Variants in SAG observed in about 807,000 individuals in gnomAD.
SAG encodes S-arrestin.
Under a neutral mutation model 55.0 loss-of-function variants are expected in SAG, and 45 were observed. The ratio of observed to expected loss-of-function variants is 0.82; its 90% CI spans 0.64 to 1.05. The LOEUF (loss-of-function observed/expected upper bound fraction) is 1.05, where lower values mean the gene tolerates loss of function less well. SAG is among the 50% of genes least tolerant of loss of function. The pLI is 0.00. For missense variants in SAG, 455 were observed against 512.1 expected (o/e 0.89, Z 1.08); for synonymous variants, 189 against 197.4 (o/e 0.96, Z 0.36).
chr2:233,325,455 G>A (rs1700522123), intron 6 of SAG, among the ~76,000 whole-genome samples: 1 of 66,974 alleles, frequency 1.5e-5, no homozygotes, highest in Non-Finnish European at 3.0e-5. Context: ...GAGAGTTGTT[G>A]CACGTTTGTG....
In SAG at chr2:233,328,501, G is replaced by T. The variant is rs201978529; in HGVS notation, c.536G>T (p.Arg179Leu). ...PKKSSVRLLI[R>L]KVQHAPLEMG... ...AGGAGCTCCGTGCGATTACTGATCC[G>T]CAAAGTACAGCATGCCCCACTTGAG... is the stretch of plus-strand genomic sequence containing the variant. Residue 179 changes from arginine to leucine, a missense_variant, in exon 8 of 16, where the codon CGC (arginine) becomes CTC (leucine). Arg to Leu is a moderately radical substitution (Grantham distance 102, BLOSUM62 -2). Coordinates refer to ENST00000409110, the MANE Select transcript of SAG (RefSeq NM_000541.5). 1 of 1,613,554 alleles carries T rather than the reference G, an allele frequency of 6.2e-7. No individual in the cohort carries two copies. The highest frequency in any genetic ancestry group is 8.5e-7 in the Non-Finnish European group (1 of 1,179,694).
At chr2:233,313,785 G>GCTTGAACTCCTGA (rs1441789908) in intron 2 of SAG, among the ~76,000 whole-genome samples, 4 of 144,518 alleles carry the variant, frequency 2.8e-5, no homozygotes, top group African/African-American at 1.0e-4. Context: ...TGTTGCCCTG[G>GCTTGAACTCCTGA]CTTGAACTCC....
intron 6 of SAG, among the ~76,000 whole-genome samples, chr2:233,323,282 C>T (rs1286477351): frequency 1.3e-5 from 2 of 152,158 alleles, no homozygotes; most frequent in African/African-American, 4.8e-5. Context: ...TGGTCTCAAA[C>T]TCCTGACCAC....
chr2:233,321,045 A>G (rs183922529), intron 5 of SAG, among the ~76,000 whole-genome samples: 77 of 152,302 alleles, frequency 5.1e-4, no homozygotes, highest in Non-Finnish European at 8.2e-4. Flanking sequence ...TACCGTTTAC[A>G]TATTTCCCTT....
At position 233,319,787 on chromosome 2, in the gene SAG, CCTT is replaced by C; in HGVS notation, c.182-839_182-837del. On this transcript the variant is annotated intron_variant, in intron 4 of 15. Transcript: ENST00000409110. This position sits in a 1 kb window ranked among gnomAD's most constrained non-coding sequence, Gnocchi z 4.4. ...TGTCAAACCACGTGGTCTCTGGGCA[CCTT>C]CTTAGTCCTGAGCTTGAATGAGGGG... 2 of 985,550 alleles carry C rather than the reference CCTT, an allele frequency of 2.0e-6. No individual in the cohort carries two copies. The highest frequency in any genetic ancestry group is 2.4e-6 in the Non-Finnish European group (2 of 829,906). 61.1% of individuals were successfully genotyped at this position (985,550 alleles called of 1,614,324 possible).
At chr2:233,335,211 C>A in intron 11 of SAG, 112 bp downstream of exon 11, 1 of 1,373,834 alleles carries the variant, frequency 7.3e-7, no homozygotes, top group South Asian at 1.4e-5. Context: ...GCATGGTGGT[C>A]TGGCGTGTGT....
chr2:233,316,945 T>A (rs1700229437), intron 3 of SAG, among the ~76,000 whole-genome samples: 1 of 152,134 alleles, frequency 6.6e-6, no homozygotes. Context: ...CACTGCAACC[T>A]CCACCTCCTG....
In SAG at chr2:233,327,888, AG is replaced by A. The variant is rs560725940; in HGVS notation, c.513-589del. On this transcript the variant is annotated intron_variant, in intron 7 of 15. Coordinates refer to ENST00000409110, the MANE Select transcript of SAG (RefSeq NM_000541.5). Reference sequence around the variant, plus strand: ...TTTAAATGTACCATTCAGTGGCTTAAGTACATTCCGAATGTTGTGTAGCCTT... The same window carrying A: ...TTTAAATGTACCATTCAGTGGCTTAATACATTCCGAATGTTGTGTAGCCTT... 2.6e-5 allele frequency: 4 copies of A among 152,792 alleles called. No individual in the cohort carries two copies. In the East Asian group the frequency reaches 7.7e-4, roughly 29 times the overall value. The allele number at this position is 152,792 out of a possible 1,614,324, so 9.5% of individuals were successfully genotyped here.
intron 6 of SAG, among the ~76,000 whole-genome samples, chr2:233,325,392 G>C (rs1255565234): frequency 1.3e-5 from 2 of 151,842 alleles, no homozygotes; most frequent in Non-Finnish European, 2.9e-5. Flanking sequence ...AAATGGAATG[G>C]ATTGGAAAAT....
Position 233,319,121 on chromosome 2 carries a change from C to T in SAG, c.181+326C>T. 2.0e-6 allele frequency: 1 copy of T among 491,300 alleles called. No individual in the cohort carries two copies. The highest frequency in any genetic ancestry group is 4.0e-6 in the Non-Finnish European group (1 of 252,810). 30.4% of individuals were successfully genotyped at this position (491,300 alleles called of 1,614,324 possible). ...TGTACTTCTGTGCTAGGGGCAAACT[C>T]AGGAGGGTGCCTGGGGTGCCTAGGA... On this transcript the variant is annotated intron_variant, in intron 4 of 15. Coordinates refer to ENST00000409110, the MANE Select transcript of SAG (RefSeq NM_000541.5). This position sits in a 1 kb window ranked among gnomAD's most constrained non-coding sequence, Gnocchi z 4.4.
At chr2:233,320,918 C>A in intron 5 of SAG, 95 bp downstream of exon 5, 1 of 1,058,958 alleles carries the variant, frequency 9.4e-7, no homozygotes, top group South Asian at 1.7e-5. Flanking sequence ...AAGAACTTCA[C>A]ATCTGCAGGC....
At chr2:233,331,412 C>G in intron 9 of SAG, 1 of 581,764 alleles carries the variant, frequency 1.7e-6, no homozygotes, top group Non-Finnish European at 3.1e-6. Context: ...CCTTAGGGGA[C>G]ATGGGTGGGA....
At chr2:233,336,912 A>G (rs969808025) in intron 11 of SAG, among the ~76,000 whole-genome samples, 2 of 152,102 alleles carry the variant, frequency 1.3e-5, no homozygotes, top group Admixed American at 6.5e-5. Context: ...CCTGGGCAAC[A>G]TGGCGAAAAC....
rs1324748504 is a variant in SAG, at chr2:233,340,954, C to G, written c.1046+476C>G. ...TCAGCCTCCTGAGTAGCTGAGATTA[C>G]AAGCGTGTGCCACAACACCTGGCTA... On this transcript the variant is annotated intron_variant, in intron 13 of 15. Transcript: ENST00000409110. The surrounding 1 kb of genome is among the most constrained non-coding windows in gnomAD (Gnocchi z 4.2). Among the ~76,000 whole-genome samples, 1 of 152,030 alleles carries G rather than the reference C, an allele frequency of 6.6e-6. No individual in the cohort carries two copies. The highest frequency in any genetic ancestry group is 1.9e-4 in the East Asian group (1 of 5,192).
Position 233,315,281 on chromosome 2 carries a change from CTTTTTTTTTTTTT to C in SAG, c.76-777_76-765del, listed in dbSNP as rs5839476. Among the ~76,000 whole-genome samples, 21 of 69,394 alleles carry C rather than the reference CTTTTTTTTTTTTT, an allele frequency of 3.0e-4. No individual in the cohort carries two copies. In the South Asian group the frequency reaches 7.2e-3, roughly 24 times the overall value. 45.5% of individuals were successfully genotyped at this position (69,394 alleles called of 152,430 possible). A position where few individuals can be genotyped will look rare whatever the true frequency, so the allele number is the denominator to read the frequency against. Reference sequence around the variant, plus strand: ...CACCTCTTTGCGTTGTCCAGAAGTTCTTTTTTTTTTTTTTTTTTTTTTTTTTTTTGAGACAGAG... The same window carrying C: ...CACCTCTTTGCGTTGTCCAGAAGTTCTTTTTTTTTTTTTTTTGAGACAGAG... On this transcript the variant is annotated intron_variant, in intron 2 of 15. Coordinates refer to ENST00000409110, the MANE Select transcript of SAG (RefSeq NM_000541.5).
rs1559436450 is a variant in SAG at position 233,319,396 on chromosome 2, GGTAA to G, written c.181+606_181+609del. ...GATTTCTGGCAGTTTTGATGTGTGT[GGTAA>G]GTAATTTGTTACTAATAACAGTTGC... is the stretch of plus-strand genomic sequence containing the variant. On this transcript the variant is annotated intron_variant, in intron 4 of 15. Transcript: ENST00000409110. The surrounding 1 kb of genome is among the most constrained non-coding windows in gnomAD (Gnocchi z 4.4). Among the ~76,000 whole-genome samples, 1 of 152,160 alleles carries G rather than the reference GGTAA, an allele frequency of 6.6e-6. No homozygotes were observed. The highest frequency in any genetic ancestry group is 1.5e-5 in the Non-Finnish European group (1 of 68,022).
At position 233,322,928 on chromosome 2, in the gene SAG, A is replaced by T; in HGVS notation, c.376-18A>T. 1 of 1,487,042 alleles carries T rather than the reference A, an allele frequency of 6.7e-7. No individual in the cohort carries two copies. Among genetic ancestry groups the T allele is most frequent in the Non-Finnish European group, 9.2e-7 (1 of 1,087,676 alleles). The allele number at this position is 1,487,042 out of a possible 1,614,324, so 92.1% of individuals were successfully genotyped here. ...CCCCTTCTGAAATAAATGATTTTTT[A>T]TTTGTTTCTTTCCACAGTTTCCTGA... is the stretch of plus-strand genomic sequence containing the variant. On this transcript the variant is annotated intron_variant, in intron 5 of 15. Coordinates refer to ENST00000409110, the MANE Select transcript of SAG (RefSeq NM_000541.5).
Position 233,319,376 on chromosome 2 carries a change from C to G in SAG, c.181+581C>G, listed in dbSNP as rs1700311372. On this transcript the variant is annotated intron_variant, in intron 4 of 15. Coordinates refer to ENST00000409110, the MANE Select transcript of SAG (RefSeq NM_000541.5). This position sits in a 1 kb window ranked among gnomAD's most constrained non-coding sequence, Gnocchi z 4.4. ...AGTGTCACGGCGCCCTTGAAGATTT[C>G]TGGCAGTTTTGATGTGTGTGGTAAG... Among the ~76,000 whole-genome samples, 1 of 152,162 alleles carries G rather than the reference C, an allele frequency of 6.6e-6. No homozygotes were observed. The highest frequency in any genetic ancestry group is 2.4e-5 in the African/African-American group (1 of 41,422).
intron 9 of SAG, among the ~76,000 whole-genome samples, chr2:233,330,474 TCC>T (rs2125339062): frequency 3.0e-5 from 1 of 33,438 alleles, no homozygotes; most frequent in African/African-American, 1.2e-4. Context: ...TTTCCCTCCC[TCC>T]CTTCCTTCCT....
Sources: allele counts gnomAD v4.1 joint callset (sites outside exome capture counted in the v4.1 genomes callset), GRCh38; gene constraint gnomAD v4.1.1; non-coding constraint Gnocchi (gnomAD v3.1); transcripts MANE v1.5; gene names NCBI Gene and HGNC (gene_info 2026-07-23, HGNC 2026-07-21).